LAYN: variants seen among roughly 807,000 people sequenced by gnomAD.
LAYN encodes the protein layilin.
LAYN carries 38 observed loss-of-function variants against 43.6 expected under a neutral mutation model. The ratio of observed to expected loss-of-function variants is 0.87; its 90% confidence interval spans 0.67 to 1.14. The LOEUF (loss-of-function observed/expected upper bound fraction) is 1.14. LAYN is among the 50% of genes most tolerant of loss of function. The pLI, the probability that LAYN is intolerant of heterozygous loss-of-function variation, is 0.00. For synonymous variants in LAYN, 168 were observed against 172.9 expected (o/e 0.97, Z 0.22); for missense variants, 479 against 463.8 (o/e 1.03, Z -0.30).
chr11:111,554,509 G>C, intron 3 of LAYN, 52 bp from the exon 4 acceptor site: 1 of 1,394,146 alleles, frequency 7.2e-7, no homozygotes, highest in Non-Finnish European at 1.0e-6. Context: ...ATTTCATTCA[G>C]ATGCCATAAA....
intron 2 of LAYN, among the ~76,000 whole-genome samples, chr11:111,546,344 T>C (rs1301932747): frequency 6.6e-6 from 1 of 152,196 alleles, no homozygotes; most frequent in Non-Finnish European, 1.5e-5. Flanking sequence ...CTAGTTCTTA[T>C]ATAATCTAAT....
intron 2 of LAYN, among the ~76,000 whole-genome samples, chr11:111,549,157 A>G (rs1005352548): frequency 3.3e-5 from 5 of 152,068 alleles, no homozygotes; most frequent in African/African-American, 1.2e-4. Context: ...TTTCTTATCT[A>G]CTTCCCAGGG....
chr11:111,554,676 A>G, intron 4 of LAYN, 83 bp downstream of exon 4: 1 of 1,220,972 alleles, frequency 8.2e-7, no homozygotes, highest in Admixed American at 1.9e-5. Context: ...TGTCCTTTGG[A>G]CTGGATTATT....
rs552546320 is a variant in LAYN, at chr11:111,541,014, G to C, written c.85+86G>C. The C allele has an allele frequency of 1.1e-3, 1,355 of 1,288,546 alleles. 2 individuals are homozygous for C. Among genetic ancestry groups the C allele is most frequent in the Non-Finnish European group, 1.3e-3 (1,254 of 939,076 alleles). The allele number at this position is 1,288,546 out of a possible 1,614,324, so 79.8% of individuals were successfully genotyped here. On this transcript the variant is annotated intron_variant, in intron 1 of 6. Transcript: ENST00000375614. ...TGCTGACCCTCTTCTGGGTCGCCACGTATGGGACTAGAAGGCCGTCCCATG... is the reference window on the plus strand; with the variant it reads ...TGCTGACCCTCTTCTGGGTCGCCACCTATGGGACTAGAAGGCCGTCCCATG...
intron 3 of LAYN, 68 bp downstream of exon 3, chr11:111,549,843 G>T (rs1232351428): frequency 6.7e-7 from 1 of 1,503,726 alleles, no homozygotes; most frequent in Non-Finnish European, 9.0e-7. Context: ...GCTGCTGCTA[G>T]TACCAAGAAT....
Position 111,548,546 on chromosome 11 carries a change from G to A in LAYN, c.384-1072G>A, listed in dbSNP as rs144848437. Among the ~76,000 whole-genome samples, 314 of 152,332 alleles carry A rather than the reference G, an allele frequency of 2.1e-3. 4 individuals are homozygous for A. The highest frequency in any genetic ancestry group is 7.2e-3 in the African/African-American group (299 of 41,574). On this transcript the variant is annotated intron_variant, in intron 2 of 6. Transcript: ENST00000375614. ...GCTGTCCAGTCATAGTATCCAAGGA[G>A]TGTTTATTGTAAGCTAAGCTATTTT...
At chr11:111,551,850 G>A (rs1348507911) in intron 3 of LAYN, among the ~76,000 whole-genome samples, 1 of 152,120 alleles carries the variant, frequency 6.6e-6, no homozygotes, top group Non-Finnish European at 1.5e-5. Context: ...TTAGAAAATA[G>A]TATTGCATCA....
chr11:111,550,695 G>GGGGAGA lies in LAYN; in HGVS notation c.541+920_541+921insGGGAGA, dbSNP rs531084701. Among the ~76,000 whole-genome samples, 43 of 152,248 alleles carry GGGGAGA rather than the reference G, an allele frequency of 2.8e-4. 1 individual carries two copies. In the East Asian group the frequency reaches 6.0e-3, roughly 21 times the overall value. The stretch of plus-strand genomic sequence containing the variant: ...GACCTGGCCCTCCCCACCATACAGC[G>GGGGAGA]TTGTCTCAGGCGGGGAGATTGCAAA... On this transcript the variant is annotated intron_variant, in intron 3 of 6. Transcript: ENST00000375614.
At chr11:111,554,088 A>C (rs1231247638) in intron 3 of LAYN, among the ~76,000 whole-genome samples, 1 of 152,100 alleles carries the variant, frequency 6.6e-6, no homozygotes, top group Non-Finnish European at 1.5e-5. Context: ...CACTTTCACT[A>C]CTTGGAGATC....
chr11:111,558,266 C>T (rs952147444), intron 6 of LAYN, among the ~76,000 whole-genome samples: 32 of 152,170 alleles, frequency 2.1e-4, no homozygotes, highest in African/African-American at 7.7e-4. Flanking sequence ...TATTCTCCAT[C>T]ATCATGGTAT....
intron 3 of LAYN, among the ~76,000 whole-genome samples, chr11:111,552,744 C>T (rs975854562): frequency 1.7e-4 from 26 of 152,180 alleles, no homozygotes; most frequent in African/African-American, 4.8e-4. Flanking sequence ...CATGTTATTA[C>T]GTATTCCAGT....
At chr11:111,541,611 T>TGGC in intron 1 of LAYN, 1 of 1,534,604 alleles carries the variant, frequency 6.5e-7, no homozygotes, top group African/African-American at 1.4e-5. Context: ...TTCTGGCTTC[T>TGGC]TTCAGTTGTT....
At position 111,560,967 on chromosome 11, in the gene LAYN, G is replaced by GT. The variant is rs1565278632; in HGVS notation, c.*511dup. 1.3e-5 allele frequency: 2 copies of GT among 153,490 alleles called. No homozygotes were observed. Among genetic ancestry groups the GT allele is most frequent in the Non-Finnish European group, 2.9e-5 (2 of 68,706 alleles). The allele number at this position is 153,490 out of a possible 1,614,324, so 9.5% of individuals were successfully genotyped here. On this transcript the variant is annotated 3_prime_UTR_variant, in exon 7 of 7. Coordinates refer to ENST00000375614, the MANE Select transcript of LAYN (RefSeq NM_178834.5). ...TCAAATAAAGAGCAGGAAACAGAGT[G>GT]TTAGTCTGTGTCTACAGCCCTTCCT...
Position 111,560,254 on chromosome 11 carries a change from C to T in LAYN, c.921C>T (p.Phe307=). Residue 307 remains phenylalanine (F), a synonymous_variant, in exon 7 of 7, where the codon TTC becomes TTT. Coordinates refer to ENST00000375614, the MANE Select transcript of LAYN (RefSeq NM_178834.5). The part of the protein sequence containing the change: ...ETRPDLKNIS[F]RVCSGEATPD... ...GGCCAGACCTGAAGAATATTTCATT[C>T]CGAGTGTGTTCGGGAGAAGCCACTC... 1 of 1,614,170 alleles carries T rather than the reference C, an allele frequency of 6.2e-7. No individual in the cohort carries two copies. The highest frequency in any genetic ancestry group is 1.1e-5 in the South Asian group (1 of 91,086).
chr11:111,547,947 C>T (rs2135794525), intron 2 of LAYN, among the ~76,000 whole-genome samples: 1 of 152,294 alleles, frequency 6.6e-6, no homozygotes, highest in African/African-American at 2.4e-5. Context: ...GACGACGCAG[C>T]TCAACCTGCC....
At chr11:111,542,602 A>C (rs1386991789) in intron 1 of LAYN, among the ~76,000 whole-genome samples, 2 of 152,216 alleles carry the variant, frequency 1.3e-5, no homozygotes, top group Non-Finnish European at 2.9e-5. Context: ...ACAAGTTGGG[A>C]AAACAAGAAC....
In LAYN at chr11:111,540,941, G is replaced by T. The variant is rs911106712; in HGVS notation, c.85+13G>T. On this transcript the variant is annotated intron_variant, in intron 1 of 6. Transcript: ENST00000375614. ...CGCCTGCTGAGTGGTGAGTGCGCGC[G>T]CTGGGGCGGGGGCTGGTGCCGGGGT... is the stretch of plus-strand genomic sequence containing the variant. 2 of 1,529,518 alleles carry T rather than the reference G, an allele frequency of 1.3e-6. No homozygotes were observed. Among genetic ancestry groups the T allele is most frequent in the Non-Finnish European group, 8.7e-7 (1 of 1,144,096 alleles). The allele number at this position is 1,529,518 out of a possible 1,614,324, so 94.7% of individuals were successfully genotyped here.
At chr11:111,558,848 C>T (rs977309481) in intron 6 of LAYN, among the ~76,000 whole-genome samples, 22 of 150,886 alleles carry the variant, frequency 1.5e-4, no homozygotes, top group Non-Finnish European at 2.4e-4. Context: ...AGTGCAATGG[C>T]GCAATCTCGG....
chr11:111,549,522 G>A, intron 2 of LAYN, 96 bp from the exon 3 acceptor site: 1 of 1,073,726 alleles, frequency 9.3e-7, no homozygotes, highest in Non-Finnish European at 1.3e-6. Flanking sequence ...AGAATCTTAT[G>A]TTTATGGCTC....
Sources: allele counts gnomAD v4.1 joint callset (sites outside exome capture counted in the v4.1 genomes callset), GRCh38; gene constraint gnomAD v4.1.1; transcripts MANE v1.5; gene names NCBI Gene and HGNC (gene_info 2026-07-23, HGNC 2026-07-21).